Variants in TMEM44 observed in about 807,000 individuals in gnomAD.
The protein encoded by TMEM44 is transmembrane protein 44.
In TMEM44, 43 loss-of-function variants were observed where a neutral mutation model predicts 47.8. The observed-to-expected ratio is 0.90, with a 90% CI of 0.70 to 1.16. The LOEUF (loss-of-function observed/expected upper bound fraction) is 1.16. Among genes scored for constraint, TMEM44 ranks in the 50% most tolerant of loss-of-function variants. TMEM44 has a pLI of 0.00. For synonymous variants in TMEM44, 277 were observed against 238.8 expected (o/e 1.16, Z -1.48); for missense variants, 568 against 555.2 (o/e 1.02, Z -0.23).
At chr3:194,613,084 T>C (rs1194578090) in intron 7 of TMEM44, among the ~76,000 whole-genome samples, 1 of 152,244 alleles carries the variant, frequency 6.6e-6, no homozygotes, top group Non-Finnish European at 1.5e-5. Flanking sequence ...TTTAAATCAA[T>C]AAAAGGAGAC....
intron 5 of TMEM44, among the ~76,000 whole-genome samples, chr3:194,622,179 G>A (rs917156256): frequency 5.9e-5 from 9 of 152,218 alleles, no homozygotes; most frequent in South Asian, 2.1e-4. Context: ...GCTTTCGCAC[G>A]TGGGGGCTTT....
intron 2 of TMEM44, among the ~76,000 whole-genome samples, chr3:194,627,545 G>A (rs1038664449): frequency 2.0e-5 from 3 of 152,190 alleles, no homozygotes; most frequent in Admixed American, 6.5e-5. Context: ...TACATAAGCT[G>A]GGGCTGGGTC....
rs1718032357 is a variant in TMEM44, at chr3:194,633,274, G to A, written c.-59C>T. The A allele has an allele frequency of 1.5e-5, 14 of 926,090 alleles. No individual in the cohort carries two copies. Among genetic ancestry groups the A allele is most frequent in the South Asian group, 4.9e-5 (1 of 20,228 alleles). 57.4% of individuals were successfully genotyped at this position (926,090 alleles called of 1,614,324 possible). A position where few individuals can be genotyped will look rare whatever the true frequency, so the allele number is the denominator to read the frequency against. ...CCTGGGCGCAGCCTCCCTCGCCGCG[G>A]GCAAGCCCCGAGCGCCGCCGCCCCG... On this transcript the variant is annotated 5_prime_UTR_variant, in exon 1 of 10. Coordinates refer to ENST00000347147, the MANE Select transcript of TMEM44 (RefSeq NM_001011655.3).
chr3:194,594,445 G>A (rs1424538488), intron 9 of TMEM44, among the ~76,000 whole-genome samples: 1 of 152,042 alleles, frequency 6.6e-6, no homozygotes, highest in African/African-American at 2.4e-5. Context: ...TTACAGGCAT[G>A]AGCCACTGCT....
chr3:194,606,400 G>A (rs551884489), intron 8 of TMEM44, among the ~76,000 whole-genome samples: 1 of 152,280 alleles, frequency 6.6e-6, no homozygotes, highest in South Asian at 2.1e-4. Flanking sequence ...CAGGGTGCCT[G>A]TTTCCCCACA....
intron 9 of TMEM44, among the ~76,000 whole-genome samples, chr3:194,601,678 C>G (rs111897601): frequency 0.016 from 2,371 of 152,034 alleles, 65 homozygotes; most frequent in African/African-American, 0.055. Flanking sequence ...AAACTTCTGA[C>G]CTCAGGTGAT....
intron 6 of TMEM44, among the ~76,000 whole-genome samples, chr3:194,616,253 T>C (rs112601343): frequency 2.6e-5 from 4 of 152,298 alleles, no homozygotes; most frequent in African/African-American, 7.2e-5. Context: ...GGTTTCACCA[T>C]GTTGGCCAGG....
At chr3:194,600,498 C>T (rs1577165012) in intron 9 of TMEM44, among the ~76,000 whole-genome samples, 1 of 151,822 alleles carries the variant, frequency 6.6e-6, no homozygotes, top group East Asian at 2.0e-4. Flanking sequence ...CCTGTAATCC[C>T]AGCACTTTGG....
intron 8 of TMEM44, among the ~76,000 whole-genome samples, chr3:194,605,993 A>C (rs1436464401): frequency 6.6e-6 from 1 of 152,208 alleles, no homozygotes; most frequent in Non-Finnish European, 1.5e-5. Context: ...AAGCAGGAAC[A>C]CAGGTGAGGG....
At chr3:194,590,028 T>G (rs924609535) in intron 9 of TMEM44, 1 of 152,216 alleles carries the variant, frequency 6.6e-6, no homozygotes. Context: ...AGACGATCTA[T>G]TTGGACAAGA....
intron 9 of TMEM44, among the ~76,000 whole-genome samples, chr3:194,592,570 G>A (rs943672277): frequency 6.6e-6 from 1 of 152,068 alleles, no homozygotes; most frequent in Non-Finnish European, 1.5e-5. Context: ...ACTCTGACCT[G>A]AGAGAGCCCT....
chr3:194,610,853 G>C, intron 8 of TMEM44, 63 bp downstream of exon 8: 1 of 1,431,012 alleles, frequency 7.0e-7, no homozygotes, highest in Non-Finnish European at 9.7e-7. Context: ...ACCTCCTCCA[G>C]GAAGCCTTCC....
chr3:194,631,025 GCT>G (rs1717761864), intron 1 of TMEM44, among the ~76,000 whole-genome samples: 1 of 148,930 alleles, frequency 6.7e-6, no homozygotes, highest in South Asian at 2.1e-4. Flanking sequence ...GAAGGGGCTG[GCT>G]GTTTCCGTCG....
At chr3:194,619,980 G>C (rs1433168183) in intron 5 of TMEM44, among the ~76,000 whole-genome samples, 1 of 152,094 alleles carries the variant, frequency 6.6e-6, no homozygotes, top group Admixed American at 6.6e-5. Context: ...GTCTTACCCT[G>C]AAGTTCTTCC....
At position 194,623,241 on chromosome 3, in the gene TMEM44, G is replaced by T. The variant is rs867585432; in HGVS notation, c.595C>A (p.Pro199Thr). Residue 199 changes from proline to threonine, a missense_variant, in exon 5 of 10, where the codon CCC becomes ACC. By Grantham distance (38) the Pro-to-Thr change is conservative. Coordinates refer to ENST00000347147, the MANE Select transcript of TMEM44 (RefSeq NM_001011655.3). ...AAFGSWASRI[P>T]PLSRICRGKT... is the part of the protein sequence containing the mutation. ...GGCCTCACAATTCTGGAGAGAGGGG[G>T]GATCCGAGAAGCCCAGGAGCCAAAG... 2 of 1,610,850 alleles carry T rather than the reference G, an allele frequency of 1.2e-6. No individual in the cohort carries two copies. The highest frequency in any genetic ancestry group is 1.7e-5 in the Admixed American group (1 of 59,586).
chr3:194,620,648 G>A (rs1282790768), intron 5 of TMEM44, among the ~76,000 whole-genome samples: 1 of 152,190 alleles, frequency 6.6e-6, no homozygotes, highest in Admixed American at 6.5e-5. Flanking sequence ...AAAGCAGAGT[G>A]AGGGGACACA....
intron 5 of TMEM44, 30 bp from the exon 6 acceptor site, chr3:194,617,299 G>GGGGGGGGGGGC: frequency 4.8e-6 from 3 of 619,720 alleles, no homozygotes; most frequent in Non-Finnish European, 5.4e-6. Context: ...GGCTGGGCGG[G>GGGGGGGGGGGC]AGAAGCAGCA....
chr3:194,615,767 C>T (rs1213762831), intron 6 of TMEM44, 70 bp from the exon 7 acceptor site: 9 of 1,573,268 alleles, frequency 5.7e-6, no homozygotes, highest in Non-Finnish European at 7.8e-6. Context: ...CACCCCTCCA[C>T]ACCATGCTGC....
At position 194,594,117 on chromosome 3, in the gene TMEM44, T is replaced by TTCTATCTATCTA. The variant is rs370424904; in HGVS notation, c.1177-5490_1177-5479dup. Among the ~76,000 whole-genome samples, 442 of 85,546 alleles carry TTCTATCTATCTA rather than the reference T, an allele frequency of 5.2e-3. 1 individual carries two copies. The highest frequency in any genetic ancestry group is 6.1e-3 in the East Asian group (13 of 2,128). 56.1% of individuals were successfully genotyped at this position (85,546 alleles called of 152,430 possible). ...ATGAGCCACAGCACCTGGCCTAATT[T>TTCTATCTATCTA]TCTATCTATCTATCTATCTATCTAT... On this transcript the variant is annotated intron_variant, in intron 9 of 9. Transcript: ENST00000347147.
Sources: allele counts gnomAD v4.1 joint callset (sites outside exome capture counted in the v4.1 genomes callset), GRCh38; gene constraint gnomAD v4.1.1; transcripts MANE v1.5; gene names NCBI Gene and HGNC (gene_info 2026-07-23, HGNC 2026-07-21).